SLC16A10: variants seen among roughly 807,000 people sequenced by gnomAD.
SLC16A10 encodes solute carrier family 16 member 10.
A neutral mutation model predicts 40.0 loss-of-function variants in SLC16A10; 27 were observed. The ratio of observed to expected loss-of-function variants is 0.67; its 90% CI spans 0.50 to 0.93. The LOEUF is 0.93. SLC16A10 is among the 40% of genes least tolerant of loss of function. SLC16A10 has a pLI of 0.00. For missense variants in SLC16A10, 529 were observed against 658.2 expected (o/e 0.80, Z 2.15); for synonymous variants, 213 against 249.8 (o/e 0.85, Z 1.39).
rs529243250 is a variant in SLC16A10, at chr6:111,092,868, C to T, written c.343+4773C>T. On this transcript the variant is annotated intron_variant, in intron 1 of 5. Coordinates refer to ENST00000368851, the MANE Select transcript of SLC16A10 (RefSeq NM_018593.5). The stretch of plus-strand genomic sequence containing the variant: ...CAGCCTGGCCAAGATGGTGAAACCC[C>T]GTTTCTACTAAAAATACAAAAAATT... Among the ~76,000 whole-genome samples, 319 of 151,150 alleles carry T rather than the reference C, an allele frequency of 2.1e-3. 1 individual carries two copies. The highest frequency in any genetic ancestry group is 7.5e-3 in the African/African-American group (312 of 41,342).
chr6:111,089,908 GTTTTTTTTTTTTTTTTTTTTTTTTT>G (rs541758500), intron 1 of SLC16A10, among the ~76,000 whole-genome samples: 4 of 52,334 alleles, frequency 7.6e-5, no homozygotes, highest in East Asian at 5.7e-4. Flanking sequence ...CTGTGGGTGG[GTTTTTTTTTTTTTTTTTTTTTTTTT>G]TTTTTTTTTT....
rs902224201 is a variant in SLC16A10, at chr6:111,223,666, T to C, written c.*1431T>C. On this transcript the variant is annotated 3_prime_UTR_variant, in exon 6 of 6. Coordinates refer to ENST00000368851, the MANE Select transcript of SLC16A10 (RefSeq NM_018593.5). ...AAAAAAATCTACATTTTGACCATACTACCCTTTCATGTCCTTATTATAAGC... is the reference window on the plus strand; with the variant it reads ...AAAAAAATCTACATTTTGACCATACCACCCTTTCATGTCCTTATTATAAGC... The C allele has an allele frequency of 6.6e-6, 1 of 152,234 alleles. No homozygotes were observed. Among genetic ancestry groups the C allele is most frequent in the Non-Finnish European group, 1.5e-5 (1 of 68,042 alleles). 9.4% of individuals were successfully genotyped at this position (152,234 alleles called of 1,614,324 possible).
In SLC16A10 at chr6:111,186,287, A is replaced by G. The variant is rs546095967; in HGVS notation, c.942+8622A>G. On this transcript the variant is annotated intron_variant, in intron 3 of 5. Transcript: ENST00000368851. The stretch of plus-strand genomic sequence containing the variant: ...TATACTTTGAATCATCTCAAATTTC[A>G]TTTCTAATATGGACATTGGCATGTC... 1.4e-4 allele frequency among the ~76,000 whole-genome samples: 21 copies of G among 152,300 alleles called. No homozygotes were observed. The South Asian group carries it at 4.1e-3, about 30-fold the overall frequency.
At chr6:111,209,833 G>C (rs1422320183) in intron 4 of SLC16A10, among the ~76,000 whole-genome samples, 1 of 152,166 alleles carries the variant, frequency 6.6e-6, no homozygotes, top group Admixed American at 6.5e-5. Flanking sequence ...TGAGCTTACA[G>C]AGAATGGTTT....
rs762834422 is a variant in SLC16A10 at position 111,230,588 on chromosome 6, A to G, written c.*8353A>G. ...CTTAATGTGGTTTGAGATGTGTAAG[A>G]TTGTAGAGGCATTGCACAATGCTTG... On this transcript the variant is annotated 3_prime_UTR_variant, in exon 6 of 6. Coordinates refer to ENST00000368851, the MANE Select transcript of SLC16A10 (RefSeq NM_018593.5). 3 of 152,164 alleles carry G rather than the reference A, an allele frequency of 2.0e-5. No individual in the cohort carries two copies. Among genetic ancestry groups the G allele is most frequent in the Non-Finnish European group, 2.9e-5 (2 of 68,016 alleles). 9.4% of individuals were successfully genotyped at this position (152,164 alleles called of 1,614,324 possible). A position where few individuals can be genotyped will look rare whatever the true frequency, so the allele number is the denominator to read the frequency against.
chr6:111,096,015 A>C (rs568836398), intron 1 of SLC16A10, among the ~76,000 whole-genome samples: 1 of 152,204 alleles, frequency 6.6e-6, no homozygotes, highest in Non-Finnish European at 1.5e-5. Context: ...GATAGATAAG[A>C]AAGTTGCAAC....
rs1562421600 is a variant in SLC16A10 at position 111,172,803 on chromosome 6, TTGG to T, written c.453_455del (p.Gly152del). On this transcript the variant is annotated inframe_deletion, in exon 2 of 6. Transcript: ENST00000368851. ...AAAACAGCTGTCGTGGGTGCTGCTG[TTGG>T]ATTTGTTGGGCTCATGTCCAGTTCT... The T allele has an allele frequency of 3.7e-6, 6 of 1,614,164 alleles. No individual in the cohort carries two copies. The highest frequency in any genetic ancestry group is 4.2e-6 in the Non-Finnish European group (5 of 1,180,016).
rs544227227 is a variant in SLC16A10, at chr6:111,224,524, A to G, written c.*2289A>G. 1 of 152,216 alleles carries G rather than the reference A, an allele frequency of 6.6e-6. No homozygotes were observed. The highest frequency in any genetic ancestry group is 2.4e-5 in the African/African-American group (1 of 41,454). The allele number at this position is 152,216 out of a possible 1,614,324, so 9.4% of individuals were successfully genotyped here. On this transcript the variant is annotated 3_prime_UTR_variant, in exon 6 of 6. Coordinates refer to ENST00000368851, the MANE Select transcript of SLC16A10 (RefSeq NM_018593.5). Reference sequence around the variant, plus strand: ...TATGTGTTTGTATATTAAACTTCACATATGTAGTTTTCAGTTTAATGGAAT... The same window carrying G: ...TATGTGTTTGTATATTAAACTTCACGTATGTAGTTTTCAGTTTAATGGAAT...
intron 3 of SLC16A10, chr6:111,178,468 G>T (rs201384341): frequency 9.4e-6 from 5 of 529,194 alleles, no homozygotes; most frequent in African/African-American, 3.9e-5. Context: ...GGTGCCTCAC[G>T]CCTGTAATCC....
At chr6:111,140,374 G>A (rs1378621375) in intron 1 of SLC16A10, among the ~76,000 whole-genome samples, 1 of 152,010 alleles carries the variant, frequency 6.6e-6, no homozygotes, top group Non-Finnish European at 1.5e-5. Flanking sequence ...GAGCTGGGAG[G>A]ATGGCTTGAG....
At position 111,222,621 on chromosome 6, in the gene SLC16A10, T is replaced by C; in HGVS notation, c.*386T>C. On this transcript the variant is annotated 3_prime_UTR_variant, in exon 6 of 6. Transcript: ENST00000368851. ...GGAAATATTTTGTTTGTTAATGATG[T>C]CTTCAGTTCTGGTACCTCTGTTTTA... The C allele has an allele frequency of 5.3e-6, 1 of 187,722 alleles. No individual in the cohort carries two copies. The highest frequency in any genetic ancestry group is 1.1e-4 in the South Asian group (1 of 8,756). 11.6% of individuals were successfully genotyped at this position (187,722 alleles called of 1,614,324 possible).
At position 111,227,152 on chromosome 6, in the gene SLC16A10, C is replaced by T. The variant is rs1338283250; in HGVS notation, c.*4917C>T. ...AAAAAGGAAAAAAAAATTTGTTCTG[C>T]TCTACTATACATGCTGACTTTTGTT... On this transcript the variant is annotated 3_prime_UTR_variant, in exon 6 of 6. Transcript: ENST00000368851. 2 of 152,220 alleles carry T rather than the reference C, an allele frequency of 1.3e-5. No individual in the cohort carries two copies. The allele number at this position is 152,220 out of a possible 1,614,324, so 9.4% of individuals were successfully genotyped here. A position where few individuals can be genotyped will look rare whatever the true frequency, so the allele number is the denominator to read the frequency against.
At chr6:111,103,366 C>T (rs573223974) in intron 1 of SLC16A10, among the ~76,000 whole-genome samples, 18 of 152,176 alleles carry the variant, frequency 1.2e-4, no homozygotes, top group Admixed American at 2.0e-4. Context: ...TACAGACACA[C>T]GCCACTATAC....
At chr6:111,182,018 A>G (rs1436363105) in intron 3 of SLC16A10, among the ~76,000 whole-genome samples, 1 of 149,924 alleles carries the variant, frequency 6.7e-6, no homozygotes, top group East Asian at 2.0e-4. Context: ...TTTTTTTTTG[A>G]GACGGAGTCT....
At chr6:111,111,033 T>C (rs1035468937) in intron 1 of SLC16A10, among the ~76,000 whole-genome samples, 1 of 152,162 alleles carries the variant, frequency 6.6e-6, no homozygotes, top group African/African-American at 2.4e-5. Context: ...ACCATTTTGG[T>C]CAACTTACTG....
At chr6:111,112,775 A>C (rs1344202653) in intron 1 of SLC16A10, among the ~76,000 whole-genome samples, 1 of 152,246 alleles carries the variant, frequency 6.6e-6, no homozygotes, top group Non-Finnish European at 1.5e-5. Flanking sequence ...GCACTAAACA[A>C]ATAGCTGTAC....
intron 3 of SLC16A10, among the ~76,000 whole-genome samples, chr6:111,205,629 A>G (rs147449905): frequency 3.2e-4 from 49 of 152,358 alleles, no homozygotes; most frequent in African/African-American, 1.1e-3. Context: ...TCCATTTTAC[A>G]GACAAAGAAA....
At chr6:111,130,401 GTTTC>G (rs1771759497) in intron 1 of SLC16A10, among the ~76,000 whole-genome samples, 1 of 152,206 alleles carries the variant, frequency 6.6e-6, no homozygotes, top group Admixed American at 6.5e-5. Context: ...CATGTTGCTA[GTTTC>G]TTTATGTTTA....
At chr6:111,112,712 CAA>C (rs1194045464) in intron 1 of SLC16A10, among the ~76,000 whole-genome samples, 1 of 152,086 alleles carries the variant, frequency 6.6e-6, no homozygotes, top group African/African-American at 2.4e-5. Context: ...TAGTAGAAAT[CAA>C]AAAGAGTTTT....
Sources: allele counts gnomAD v4.1 joint callset (sites outside exome capture counted in the v4.1 genomes callset), GRCh38; gene constraint gnomAD v4.1.1; transcripts MANE v1.5; gene names NCBI Gene and HGNC (gene_info 2026-07-23, HGNC 2026-07-21).